ZNF740: variants seen among roughly 807,000 people sequenced by gnomAD.
ZNF740 encodes oriLyt TD-element-binding protein 7.
In ZNF740, 14 loss-of-function variants were observed where a neutral mutation model predicts 24.8. The ratio of observed to expected loss-of-function variants is 0.56; its 90% CI spans 0.37 to 0.88. ZNF740 has a LOEUF of 0.88. ZNF740 is among the 40% of genes least tolerant of loss of function. The probability of loss-of-function intolerance (pLI) is 0.00; values close to 1 mark genes in which losing one functional copy is unlikely to be tolerated. For missense variants in ZNF740, 201 were observed against 247.9 expected (o/e 0.81, Z 1.27); for synonymous variants, 69 against 84.0 (o/e 0.82, Z 0.98).
Position 53,195,030 on chromosome 12 carries a change from G to C in ZNF740, c.*7440G>C. On this transcript the variant is annotated 3_prime_UTR_variant, in exon 7 of 7. Coordinates refer to ENST00000416904, the MANE Select transcript of ZNF740 (RefSeq NM_001004304.4). The stretch of plus-strand genomic sequence containing the variant: ...GTGGGTTTCCTCATCTGTAAAATAG[G>C]GATGGTAACAGTTATGAAGCAAGGC... The C allele has an allele frequency of 7.8e-6, 2 of 256,430 alleles. No individual in the cohort carries two copies. Among genetic ancestry groups the C allele is most frequent in the Non-Finnish European group, 7.6e-6 (1 of 131,618 alleles). The allele number at this position is 256,430 out of a possible 1,614,324, so 15.9% of individuals were successfully genotyped here.
chr12:53,184,644 G>A (rs1367232597), intron 2 of ZNF740, among the ~76,000 whole-genome samples: 1 of 152,188 alleles, frequency 6.6e-6, no homozygotes, highest in Admixed American at 6.5e-5. Flanking sequence ...GATGACAAAG[G>A]TGTCAGTAAT....
At position 53,194,429 on chromosome 12, in the gene ZNF740, T is replaced by C; in HGVS notation, c.*6839T>C. 1 of 1,404,058 alleles carries C rather than the reference T, an allele frequency of 7.1e-7. No individual in the cohort carries two copies. The highest frequency in any genetic ancestry group is 9.8e-7 in the Non-Finnish European group (1 of 1,016,030). 87.0% of individuals were successfully genotyped at this position (1,404,058 alleles called of 1,614,324 possible). A position where few individuals can be genotyped will look rare whatever the true frequency, so the allele number is the denominator to read the frequency against. Reference sequence around the variant, plus strand: ...TTATGTCCTCTCCAGGTGTTCCCAATTCTGCCAGCACCCTGCCCTCTGCCA... The same window carrying C: ...TTATGTCCTCTCCAGGTGTTCCCAACTCTGCCAGCACCCTGCCCTCTGCCA... On this transcript the variant is annotated 3_prime_UTR_variant, in exon 7 of 7. Transcript: ENST00000416904.
rs1362192732 is a variant in ZNF740, at chr12:53,193,401, G to A, written c.*5811G>A. 9 of 1,439,952 alleles carry A rather than the reference G, an allele frequency of 6.3e-6. No homozygotes were observed. Among genetic ancestry groups the A allele is most frequent in the East Asian group, 2.4e-5 (1 of 41,506 alleles). The allele number at this position is 1,439,952 out of a possible 1,614,324, so 89.2% of individuals were successfully genotyped here. ...GGCAAAGGAGAGAAGTAGGTCAGAG[G>A]GTTTGATCACCCCTGACTTGTCTCT... On this transcript the variant is annotated 3_prime_UTR_variant, in exon 7 of 7. Transcript: ENST00000416904.
intron 5 of ZNF740, 22 bp from the exon 6 acceptor site, chr12:53,186,369 C>T: frequency 5.2e-6 from 8 of 1,551,804 alleles, no homozygotes; most frequent in Non-Finnish European, 7.0e-6. Context: ...CCCACATTCA[C>T]TTCTCTGTCC....
At position 53,191,763 on chromosome 12, in the gene ZNF740, T is replaced by C; in HGVS notation, c.*4173T>C. The C allele has an allele frequency of 6.4e-7, 1 of 1,564,470 alleles. No homozygotes were observed. Among genetic ancestry groups the C allele is most frequent in the Non-Finnish European group, 8.8e-7 (1 of 1,137,026 alleles). On this transcript the variant is annotated 3_prime_UTR_variant, in exon 7 of 7. Transcript: ENST00000416904. ...GAAGTTAGCAGAGGGGTTGGTTACA[T>C]GTGCCAGGGGCTGGGGGAACCCAGT...
chr12:53,181,177 C>G lies in ZNF740; in HGVS notation c.-308+340C>G, dbSNP rs999401383. ...CCGGAGCGAGGCGGGCGACACGCCGCGCCGGGCTTCGCCTGCCTGTCCTCC... is the reference window on the plus strand; with the variant it reads ...CCGGAGCGAGGCGGGCGACACGCCGGGCCGGGCTTCGCCTGCCTGTCCTCC... On this transcript the variant is annotated intron_variant, in intron 1 of 6. Coordinates refer to ENST00000416904, the MANE Select transcript of ZNF740 (RefSeq NM_001004304.4). 4.2e-5 allele frequency: 41 copies of G among 985,350 alleles called. No individual in the cohort carries two copies. The East Asian group carries it at 2.8e-3, about 68-fold the overall frequency. 61.0% of individuals were successfully genotyped at this position (985,350 alleles called of 1,614,324 possible). A position where few individuals can be genotyped will look rare whatever the true frequency, so the allele number is the denominator to read the frequency against.
chr12:53,192,702 G>A lies in ZNF740; in HGVS notation c.*5112G>A, dbSNP rs772615225. Reference sequence around the variant, plus strand: ...ACCTGAGGCCTCACCGGTGTCTCTCGCATGGTGTCTTGCAGCCTGGGCATT... The same window carrying A: ...ACCTGAGGCCTCACCGGTGTCTCTCACATGGTGTCTTGCAGCCTGGGCATT... On this transcript the variant is annotated 3_prime_UTR_variant, in exon 7 of 7. Coordinates refer to ENST00000416904, the MANE Select transcript of ZNF740 (RefSeq NM_001004304.4). 15 of 1,613,752 alleles carry A rather than the reference G, an allele frequency of 9.3e-6. No homozygotes were observed. Among genetic ancestry groups the A allele is most frequent in the African/African-American group, 4.0e-5 (3 of 75,052 alleles).
chr12:53,193,684 T>G lies in ZNF740; in HGVS notation c.*6094T>G, dbSNP rs2272300. 179,328 of 1,580,096 alleles carry G rather than the reference T, an allele frequency of 0.11. 17,072 individuals carry two copies. The highest frequency in any genetic ancestry group is 0.48 in the African/African-American group (35,815 of 73,910). On this transcript the variant is annotated 3_prime_UTR_variant, in exon 7 of 7. Coordinates refer to ENST00000416904, the MANE Select transcript of ZNF740 (RefSeq NM_001004304.4). ...TGGTTGGTTGTTGGGAGCCAGGTGG[T>G]TGAAGGGAAGAGGAGGCCCTCACCT...
intron 2 of ZNF740, among the ~76,000 whole-genome samples, chr12:53,182,601 G>A (rs1941696565): frequency 6.6e-6 from 1 of 152,100 alleles, no homozygotes; most frequent in Non-Finnish European, 1.5e-5. Flanking sequence ...GAGGTTGAAA[G>A]ATGCATAGGA....
rs1941869888 is a variant in ZNF740 at position 53,188,646 on chromosome 12, GT to G, written c.*1057del. On this transcript the variant is annotated 3_prime_UTR_variant, in exon 7 of 7. Transcript: ENST00000416904. Reference sequence around the variant, plus strand: ...AGTAGGAGCTGTTCTCCCTCCCCAAGTCCTATCACTGTATTCAGGTAGAGGA... The same window carrying G: ...AGTAGGAGCTGTTCTCCCTCCCCAAGCCTATCACTGTATTCAGGTAGAGGA... 6.6e-6 allele frequency: 1 copy of G among 152,238 alleles called. No individual in the cohort carries two copies. The highest frequency in any genetic ancestry group is 2.4e-5 in the African/African-American group (1 of 41,406). The allele number at this position is 152,238 out of a possible 1,614,324, so 9.4% of individuals were successfully genotyped here. A position where few individuals can be genotyped will look rare whatever the true frequency, so the allele number is the denominator to read the frequency against.
Position 53,184,150 on chromosome 12 carries a change from T to TGTGTGTGCGCGCGC in ZNF740, c.10-740_10-739insTGTGTGCGCGCGCG, listed in dbSNP as rs59250662. ...GTGTGTGTGTGTGTGTGTGTGTGTG[T>TGTGTGTGCGCGCGC]GCGCGCGCGCGCTCTGAAGCTAAGG... On this transcript the variant is annotated intron_variant, in intron 2 of 6. Coordinates refer to ENST00000416904, the MANE Select transcript of ZNF740 (RefSeq NM_001004304.4). 4.0e-3 allele frequency among the ~76,000 whole-genome samples: 419 copies of TGTGTGTGCGCGCGC among 104,368 alleles called. 1 individual carries two copies. The highest frequency in any genetic ancestry group is 0.014 in the African/African-American group (380 of 26,728). 68.5% of individuals were successfully genotyped at this position (104,368 alleles called of 152,430 possible).
chr12:53,183,124 C>T (rs1941727068), intron 2 of ZNF740, among the ~76,000 whole-genome samples: 1 of 152,230 alleles, frequency 6.6e-6, no homozygotes, highest in Admixed American at 6.5e-5. Flanking sequence ...CTGTCAGTTT[C>T]TTCTTCCTTT....
Position 53,191,740 on chromosome 12 carries a change from A to G in ZNF740, c.*4150A>G, listed in dbSNP as rs750403827. Reference sequence around the variant, plus strand: ...GAGCCGAATCCTAGGAGCTGATGGAAGTTAGCAGAGGGGTTGGTTACATGT... The same window carrying G: ...GAGCCGAATCCTAGGAGCTGATGGAGGTTAGCAGAGGGGTTGGTTACATGT... On this transcript the variant is annotated 3_prime_UTR_variant, in exon 7 of 7. Transcript: ENST00000416904. The G allele has an allele frequency of 3.6e-5, 54 of 1,517,948 alleles. No individual in the cohort carries two copies. The highest frequency in any genetic ancestry group is 4.7e-5 in the Non-Finnish European group (51 of 1,094,758). The allele number at this position is 1,517,948 out of a possible 1,614,324, so 94.0% of individuals were successfully genotyped here. A position where few individuals can be genotyped will look rare whatever the true frequency, so the allele number is the denominator to read the frequency against.
Position 53,190,833 on chromosome 12 carries a change from A to G in ZNF740, c.*3243A>G, listed in dbSNP as rs1941919839. 1 of 152,376 alleles carries G rather than the reference A, an allele frequency of 6.6e-6. No individual in the cohort carries two copies. The highest frequency in any genetic ancestry group is 6.5e-5 in the Admixed American group (1 of 15,298). The allele number at this position is 152,376 out of a possible 1,614,324, so 9.4% of individuals were successfully genotyped here. A position where few individuals can be genotyped will look rare whatever the true frequency, so the allele number is the denominator to read the frequency against. ...TGTTCCTTCGTGATATATTTAGGAT[A>G]TTTAAATAAAAGGAAAATGGGGCTT... On this transcript the variant is annotated 3_prime_UTR_variant, in exon 7 of 7. Transcript: ENST00000416904.
rs1942019826 is a variant in ZNF740 at position 53,193,000 on chromosome 12, T to C, written c.*5410T>C. The C allele has an allele frequency of 7.0e-7, 1 of 1,421,528 alleles. No homozygotes were observed. Among genetic ancestry groups the C allele is most frequent in the South Asian group, 1.2e-5 (1 of 82,592 alleles). The allele number at this position is 1,421,528 out of a possible 1,614,324, so 88.1% of individuals were successfully genotyped here. On this transcript the variant is annotated 3_prime_UTR_variant, in exon 7 of 7. Transcript: ENST00000416904. ...ACGACAAGCCCACGCATCCAATCTT[T>C]TTGAAGTATGCCAACCACACCCTCT...
At chr12:53,183,978 C>T (rs545355556) in intron 2 of ZNF740, among the ~76,000 whole-genome samples, 2 of 152,096 alleles carry the variant, frequency 1.3e-5, no homozygotes, top group East Asian at 1.9e-4. Flanking sequence ...GAGCCGAGAT[C>T]GTGCCACTGC....
chr12:53,184,148 T>TGTGTGTGC lies in ZNF740; in HGVS notation c.10-740_10-739insTGTGCGTG, dbSNP rs1555175893. Reference sequence around the variant, plus strand: ...GTGTGTGTGTGTGTGTGTGTGTGTGTGTGCGCGCGCGCGCTCTGAAGCTAA... The same window carrying TGTGTGTGC: ...GTGTGTGTGTGTGTGTGTGTGTGTGTGTGTGTGCGTGCGCGCGCGCGCTCTGAAGCTAA... On this transcript the variant is annotated intron_variant, in intron 2 of 6. Transcript: ENST00000416904. 3.0e-5 allele frequency among the ~76,000 whole-genome samples: 3 copies of TGTGTGTGC among 100,296 alleles called. No homozygotes were observed. In the South Asian group the frequency reaches 9.3e-4, roughly 31 times the overall value. 65.8% of individuals were successfully genotyped at this position (100,296 alleles called of 152,430 possible).
At chr12:53,184,868 C>T (rs769855740) in intron 2 of ZNF740, 23 bp from the exon 3 acceptor site, 1 of 1,605,290 alleles carries the variant, frequency 6.2e-7, no homozygotes, top group Non-Finnish European at 8.5e-7. Context: ...GGTGACCTGA[C>T]ACCTCATCTC....
chr12:53,184,092 A>G (rs998925530), intron 2 of ZNF740, among the ~76,000 whole-genome samples: 1 of 150,012 alleles, frequency 6.7e-6, no homozygotes, highest in African/African-American at 2.5e-5. Context: ...CTGCCAATCA[A>G]AAGTGGGCTC....
Sources: allele counts gnomAD v4.1 joint callset (sites outside exome capture counted in the v4.1 genomes callset), GRCh38; gene constraint gnomAD v4.1.1; transcripts MANE v1.5; gene names NCBI Gene and HGNC (gene_info 2026-07-23, HGNC 2026-07-21).